PPP1R42: variants seen among roughly 807,000 people sequenced by gnomAD.
PPP1R42 encodes the protein leucine rich repeat containing 67.
A neutral mutation model predicts 31.0 loss-of-function variants in PPP1R42; 34 were observed. The observed-to-expected ratio is 1.10, with a 90% CI of 0.83 to 1.46. The LOEUF (loss-of-function observed/expected upper bound fraction) is 1.46, where lower values mean the gene tolerates loss of function less well. PPP1R42 is among the 40% of genes most tolerant of loss of function. The pLI is 0.00. For missense variants in PPP1R42, 268 were observed against 303.0 expected (o/e 0.88, Z 0.86); for synonymous variants, 103 against 109.8 (o/e 0.94, Z 0.39).
At chr8:67,028,100 C>T (rs1015130078) in intron 1 of PPP1R42, among the ~76,000 whole-genome samples, 2 of 152,162 alleles carry the variant, frequency 1.3e-5, no homozygotes, top group East Asian at 3.8e-4. Flanking sequence ...ACAACGTTTT[C>T]TGAATTCTGT....
Position 66,982,094 on chromosome 8 carries a change from T to G in PPP1R42, c.757A>C (p.Lys253Gln), listed in dbSNP as rs984763288. Residue 253 changes from lysine (K) to glutamine (Q), a missense_variant, in exon 7 of 8, where the codon AAA becomes CAA. Lys to Gln is a moderately conservative substitution (Grantham distance 53). Coordinates refer to ENST00000685739, the MANE Select transcript of PPP1R42 (RefSeq NM_001364910.1). Reference sequence around the variant, plus strand: ...TCCTCATTTTTACTGCTCCTTTTTTTGCTGATTTTCTTGGCATCTTTGGAT... The same window carrying G: ...TCCTCATTTTTACTGCTCCTTTTTTGGCTGATTTTCTTGGCATCTTTGGAT... Reference protein sequence around the residue: ...KASKDAKKISKKRSSKNEDAS... With the variant: ...KASKDAKKISQKRSSKNEDAS... The G allele has an allele frequency of 6.7e-7, 1 of 1,498,286 alleles. No individual in the cohort carries two copies. Among genetic ancestry groups the G allele is most frequent in the Non-Finnish European group, 8.8e-7 (1 of 1,134,556 alleles). 92.8% of individuals were successfully genotyped at this position (1,498,286 alleles called of 1,614,324 possible).
chr8:66,975,875 A>G (rs1814656460), intron 7 of PPP1R42, among the ~76,000 whole-genome samples: 1 of 152,166 alleles, frequency 6.6e-6, no homozygotes, highest in East Asian at 1.9e-4. Context: ...TGTTGGCATC[A>G]TTCAATATTC....
intron 6 of PPP1R42, chr8:66,985,713 AGTC>A (rs1814988158): frequency 7.5e-7 from 1 of 1,334,308 alleles, no homozygotes; most frequent in Non-Finnish European, 1.1e-6. Context: ...AGGAAGAAGG[AGTC>A]TTTGGCTGAG....
intron 6 of PPP1R42, chr8:66,985,325 CT>C: frequency 1.2e-6 from 1 of 806,616 alleles, no homozygotes; most frequent in Admixed American, 1.9e-5. Context: ...CTTCTGATGG[CT>C]TTTCTTTTAG....
At chr8:66,982,283 A>G in intron 6 of PPP1R42, 103 bp from the exon 7 acceptor site, 1 of 477,280 alleles carries the variant, frequency 2.1e-6, no homozygotes, top group Non-Finnish European at 3.4e-6. Context: ...GTTACACCAT[A>G]GACTGAAATA....
intron 1 of PPP1R42, among the ~76,000 whole-genome samples, chr8:67,021,802 T>C (rs1816227280): frequency 6.6e-6 from 1 of 152,190 alleles, no homozygotes; most frequent in African/African-American, 2.4e-5. Flanking sequence ...ATGTTATCAA[T>C]GATATTAATG....
rs959043888 is a variant in PPP1R42 at position 66,969,213 on chromosome 8, A to G, written c.803-4879T>C. On this transcript the variant is annotated intron_variant, in intron 7 of 7. Transcript: ENST00000685739. ...GATCTAACAATGCACGTGGCAATGT[A>G]TAGAATTCATCAACATTGTTTTCTG... Among the ~76,000 whole-genome samples the G allele has an allele frequency of 2.0e-5, 3 of 152,256 alleles. No individual in the cohort carries two copies. In the East Asian group the frequency reaches 5.8e-4, roughly 29 times the overall value.
intron 1 of PPP1R42, among the ~76,000 whole-genome samples, chr8:67,024,163 A>G (rs1816313842): frequency 6.6e-6 from 1 of 152,160 alleles, no homozygotes; most frequent in Non-Finnish European, 1.5e-5. Flanking sequence ...ACCAAAAAAA[A>G]GATAGCCATA....
intron 1 of PPP1R42, 92 bp from the exon 2 acceptor site, chr8:67,017,923 A>T (rs187409365): frequency 3.6e-6 from 2 of 557,886 alleles, no homozygotes; most frequent in East Asian, 3.7e-5. Flanking sequence ...CCCTTATATG[A>T]AACTATTTGA....
At chr8:67,019,365 C>T (rs755808244) in intron 1 of PPP1R42, among the ~76,000 whole-genome samples, 1 of 149,750 alleles carries the variant, frequency 6.7e-6, no homozygotes, top group Non-Finnish European at 1.5e-5. Flanking sequence ...CTCAGGCTCC[C>T]GAGTAGCTGG....
chr8:66,999,827 A>G (rs1044353321), intron 5 of PPP1R42, among the ~76,000 whole-genome samples: 18 of 152,146 alleles, frequency 1.2e-4, no homozygotes, highest in African/African-American at 3.9e-4. Context: ...TCTGTTTCTT[A>G]TGTCAGTTTT....
At chr8:66,997,078 A>C (rs1585659984) in intron 5 of PPP1R42, among the ~76,000 whole-genome samples, 1 of 152,182 alleles carries the variant, frequency 6.6e-6, no homozygotes, top group South Asian at 2.1e-4. Flanking sequence ...GCTTGAACCC[A>C]GGAGGCGGAG....
chr8:67,000,950 TG>T (rs1166115612), intron 5 of PPP1R42, among the ~76,000 whole-genome samples: 31 of 152,212 alleles, frequency 2.0e-4, no homozygotes, highest in Admixed American at 1.6e-3. Flanking sequence ...TTTACTTCTG[TG>T]AATTTTTACT....
In PPP1R42 at chr8:67,017,679, A is replaced by G; in HGVS notation, c.69T>C (p.Ile23=). Residue 23 remains isoleucine, a synonymous_variant, in exon 2 of 8, where the codon ATT becomes ATC. Transcript: ENST00000685739. ...GAGTTATTTTCTTCAGGCACTGTGA[A>G]ATGGTTTCTTCTTTTCGGGGTTTAA... is the stretch of plus-strand genomic sequence containing the variant. ...SNLKPRKEET[I]SQCLKKITHI... is the part of the protein sequence containing the mutation. The G allele has an allele frequency of 2.5e-6, 4 of 1,602,378 alleles. No homozygotes were observed. The highest frequency in any genetic ancestry group is 3.4e-6 in the Non-Finnish European group (4 of 1,174,690).
intron 6 of PPP1R42, among the ~76,000 whole-genome samples, chr8:66,982,452 T>TTTTA (rs1229535745): frequency 2.6e-5 from 4 of 152,132 alleles, no homozygotes; most frequent in Non-Finnish European, 5.9e-5. Context: ...ATTATCCCCC[T>TTTTA]TTTATTTATT....
chr8:67,011,219 A>C (rs910352681), intron 4 of PPP1R42, among the ~76,000 whole-genome samples: 1 of 152,228 alleles, frequency 6.6e-6, no homozygotes, highest in African/African-American at 2.4e-5. Flanking sequence ...CATTTTGTGC[A>C]AAATATTACT....
At chr8:67,006,538 T>A (rs1017149183) in intron 5 of PPP1R42, among the ~76,000 whole-genome samples, 4 of 152,146 alleles carry the variant, frequency 2.6e-5, no homozygotes, top group African/African-American at 9.7e-5. Context: ...ATTTCTTTTT[T>A]AATTTTTTTG....
chr8:67,021,252 C>T (rs1231075257), intron 1 of PPP1R42: 1 of 152,034 alleles, frequency 6.6e-6, no homozygotes, highest in Non-Finnish European at 1.5e-5. Context: ...CACACATTGG[C>T]ATTACCCAGG....
rs1200519142 is a variant in PPP1R42, at chr8:66,988,436, A to G, written c.634T>C (p.Tyr212His). 6 of 1,605,064 alleles carry G rather than the reference A, an allele frequency of 3.7e-6. No individual in the cohort carries two copies. The highest frequency in any genetic ancestry group is 4.3e-6 in the Non-Finnish European group (5 of 1,174,660). Residue 212 changes from tyrosine (Y) to histidine (H), a missense_variant, in exon 6 of 8, where the codon TAC becomes CAC. Physicochemically the swap from Tyr to His is moderately conservative, Grantham distance 83. Coordinates refer to ENST00000685739, the MANE Select transcript of PPP1R42 (RefSeq NM_001364910.1). ...GACACCAATATCAGTCTGTCCCTGT[A>G]TTTTGGTTTGAGACAAACAGGATTT... Reference protein sequence around the residue: ...NGNPVCLKPKYRDRLILVSKS... With the variant: ...NGNPVCLKPKHRDRLILVSKS...
Sources: gnomAD v4.1 joint callset for allele counts (sites outside exome capture counted in the v4.1 genomes callset) on GRCh38, gnomAD v4.1.1 for gene constraint, MANE v1.5 for transcripts, NCBI Gene and HGNC (gene_info 2026-07-23, HGNC 2026-07-21) for gene names.